The following MOCOS variants were observed in gnomAD, a reference collection of about 807,000 sequenced individuals.
MOCOS encodes the protein human molybdenum cofactor sulfurase.
MOCOS carries 86 observed loss-of-function variants against 83.6 expected under a neutral mutation model. The ratio of observed to expected loss-of-function variants is 1.03; its 90% CI spans 0.86 to 1.23. MOCOS has a LOEUF of 1.23. MOCOS is among the 50% of genes most tolerant of loss of function. The pLI, the probability that MOCOS is intolerant of heterozygous loss-of-function variation, is 0.00. For missense variants in MOCOS, 1,120 were observed against 1,126.9 expected (o/e 0.99, Z 0.09); for synonymous variants, 445 against 434.7 (o/e 1.02, Z -0.29).
chr18:36,216,670 CA>C lies in MOCOS; in HGVS notation c.1797+695del, dbSNP rs1456923869. On this transcript the variant is annotated intron_variant, in intron 8 of 14. Transcript: ENST00000261326. The stretch of plus-strand genomic sequence containing the variant: ...AATAATTGATTTAGGCAATAGTCAT[CA>C]ATAGATGCTAAATCTAATGAATGAA... 4.2e-4 allele frequency among the ~76,000 whole-genome samples: 64 copies of C among 152,304 alleles called. 1 individual carries two copies. The highest frequency in any genetic ancestry group is 4.2e-3 in the Admixed American group (64 of 15,304).
chr18:36,254,522 GGA>G (rs530067800), intron 11 of MOCOS, among the ~76,000 whole-genome samples: 5 of 142,532 alleles, frequency 3.5e-5, no homozygotes, highest in Admixed American at 7.0e-5. Flanking sequence ...AGAGCGAGAG[GGA>G]GAGAGAGAGA....
intron 9 of MOCOS, among the ~76,000 whole-genome samples, chr18:36,231,169 C>T (rs2091536206): frequency 6.6e-6 from 1 of 151,868 alleles, no homozygotes; most frequent in South Asian, 2.1e-4. Flanking sequence ...AACGCTTTTT[C>T]TGTATTTGTT....
chr18:36,188,408 T>C (rs970368100), intron 1 of MOCOS, among the ~76,000 whole-genome samples: 1 of 152,118 alleles, frequency 6.6e-6, no homozygotes, highest in Admixed American at 6.5e-5. Context: ...GCTGATGAAA[T>C]TGCAAATCAA....
At chr18:36,260,305 G>A (rs2091659180) in intron 13 of MOCOS, 130 bp downstream of exon 13, 12 of 1,219,308 alleles carry the variant, frequency 9.8e-6, no homozygotes, top group Non-Finnish European at 1.4e-5. Context: ...AATCTTGGTG[G>A]GAGGTTATGT....
At chr18:36,220,014 T>C in intron 8 of MOCOS, 41 bp from the exon 9 acceptor site, 1 of 1,612,036 alleles carries the variant, frequency 6.2e-7, no homozygotes. Flanking sequence ...AGACCAACTT[T>C]GGGGAGCCCT....
chr18:36,218,132 C>T (rs140030603), intron 8 of MOCOS, among the ~76,000 whole-genome samples: 9 of 152,252 alleles, frequency 5.9e-5, no homozygotes, highest in African/African-American at 1.9e-4. Flanking sequence ...GCTGGTGGGA[C>T]GGCTACACCT....
At chr18:36,198,492 G>A (rs1235644813) in intron 2 of MOCOS, among the ~76,000 whole-genome samples, 198 bp from the exon 3 acceptor site, 1 of 152,334 alleles carries the variant, frequency 6.6e-6, no homozygotes, top group Admixed American at 6.5e-5. Context: ...TCTGAATAAA[G>A]CTACGAACAT....
chr18:36,250,282 T>A (rs1359060785), intron 10 of MOCOS, among the ~76,000 whole-genome samples: 1 of 152,204 alleles, frequency 6.6e-6, no homozygotes, highest in Non-Finnish European at 1.5e-5. Context: ...CAGTAGATGG[T>A]GATACTGCAT....
rs112587029 is a variant in MOCOS, at chr18:36,231,735, G to A, written c.1960+11518G>A. Among the ~76,000 whole-genome samples, 514 of 152,242 alleles carry A rather than the reference G, an allele frequency of 3.4e-3. 3 individuals carry two copies. Among genetic ancestry groups the A allele is most frequent in the African/African-American group, 0.011 (460 of 41,546 alleles). On this transcript the variant is annotated intron_variant, in intron 9 of 14. Coordinates refer to ENST00000261326, the MANE Select transcript of MOCOS (RefSeq NM_017947.4). ...GGTAGCTTAGAGAACAATGACCCAC[G>A]ATGTGGATGATCCAGAAGTACAGAA...
intron 9 of MOCOS, among the ~76,000 whole-genome samples, chr18:36,243,920 G>T (rs1406618123): frequency 1.3e-5 from 2 of 152,032 alleles, no homozygotes; most frequent in Non-Finnish European, 2.9e-5. Flanking sequence ...GTTCATAGTT[G>T]CCTTGAATGA....
At chr18:36,263,160 G>A (rs879393760) in intron 13 of MOCOS, among the ~76,000 whole-genome samples, 23 of 152,168 alleles carry the variant, frequency 1.5e-4, no homozygotes, top group Non-Finnish European at 2.4e-4. Context: ...ACTCAGTGCC[G>A]AAGCAATTAC....
In MOCOS at chr18:36,215,698, G is replaced by T; in HGVS notation, c.1518G>T (p.Gly506=). ...WPVPQAHADT[G]ETGAPSADSQ... The stretch of plus-strand genomic sequence containing the variant: ...TCCCTCAGGCCCATGCTGACACCGG[G>T]GAGACTGGAGCCCCATCAGCAGACA... Residue 506 remains glycine (G), a synonymous_variant, in exon 8 of 15, where the codon GGG becomes GGT. Transcript: ENST00000261326. The T allele has an allele frequency of 6.2e-7, 1 of 1,614,172 alleles. No individual in the cohort carries two copies.
At chr18:36,221,633 T>G (rs536024829) in intron 9 of MOCOS, among the ~76,000 whole-genome samples, 79 of 133,834 alleles carry the variant, frequency 5.9e-4, no homozygotes, top group African/African-American at 2.1e-3. Context: ...TGTTCTGTTC[T>G]GTTCTGTTCT....
At chr18:36,218,694 A>AT (rs1197710720) in intron 8 of MOCOS, among the ~76,000 whole-genome samples, 20 of 147,998 alleles carry the variant, frequency 1.4e-4, no homozygotes, top group African/African-American at 3.7e-4. Flanking sequence ...TTTAATTTTC[A>AT]TTTTTTTTAG....
intron 9 of MOCOS, among the ~76,000 whole-genome samples, chr18:36,230,305 G>A (rs901439669): frequency 5.3e-5 from 8 of 152,048 alleles, no homozygotes; most frequent in East Asian, 1.9e-4. Context: ...GGCTGGTCTC[G>A]AACTCCTGAC....
intron 9 of MOCOS, among the ~76,000 whole-genome samples, chr18:36,227,368 A>G (rs115432947): frequency 0.014 from 2,091 of 151,620 alleles, 42 homozygotes; most frequent in African/African-American, 0.047. Flanking sequence ...AGTAGCTGGG[A>G]CTACTGATAT....
intron 9 of MOCOS, among the ~76,000 whole-genome samples, chr18:36,235,234 A>G (rs1157353405): frequency 7.2e-6 from 1 of 139,128 alleles, no homozygotes; most frequent in African/African-American, 2.7e-5. Flanking sequence ...TGCACCCACT[A>G]ACTCATCATC....
At chr18:36,191,040 A>AAAAAAAAAAAG (rs1555650788) in intron 1 of MOCOS, among the ~76,000 whole-genome samples, 1 of 146,540 alleles carries the variant, frequency 6.8e-6, no homozygotes, top group African/African-American at 2.5e-5. Context: ...AAGAAAAAGA[A>AAAAAAAAAAAG]AAAAAAGTGT....
intron 1 of MOCOS, among the ~76,000 whole-genome samples, chr18:36,191,716 G>A (rs2091366825): frequency 6.6e-6 from 1 of 151,162 alleles, no homozygotes; most frequent in Non-Finnish European, 1.5e-5. Flanking sequence ...TTATAGATAT[G>A]AGTCACTGTG....
Sources: gnomAD v4.1 joint callset for allele counts (sites outside exome capture counted in the v4.1 genomes callset) on GRCh38, gnomAD v4.1.1 for gene constraint, MANE v1.5 for transcripts, NCBI Gene and HGNC (gene_info 2026-07-23, HGNC 2026-07-21) for gene names.